Variants in FNBP1L observed in about 807,000 individuals in gnomAD.
FNBP1L encodes formin-binding protein 1-like.
In FNBP1L, 36 loss-of-function variants were observed where a neutral mutation model predicts 91.2. The observed-to-expected ratio is 0.39, with a 90% confidence interval of 0.30 to 0.52. The LOEUF (loss-of-function observed/expected upper bound fraction) is 0.52, where lower values mean the gene tolerates loss of function less well. FNBP1L is among the 20% of genes least tolerant of loss of function. The pLI is 0.66. For missense variants in FNBP1L, 571 were observed against 732.1 expected, an observed-to-expected ratio of 0.78 and a Z score of 2.54; for synonymous variants, 242 against 237.0, an observed-to-expected ratio of 1.02 and a Z score of -0.19.
At chr1:93,501,270 G>T (rs963665257) in intron 2 of FNBP1L, among the ~76,000 whole-genome samples, 1 of 152,132 alleles carries the variant, frequency 6.6e-6, no homozygotes, top group African/African-American at 2.4e-5. Context: ...GAAATTTACT[G>T]CAGGAGTGCC....
intron 2 of FNBP1L, 148 bp downstream of exon 2, chr1:93,499,731 T>C: frequency 1.7e-6 from 1 of 585,638 alleles, no homozygotes; most frequent in Non-Finnish European, 3.0e-6. Flanking sequence ...TAATGATTAA[T>C]TAAGTCATTG....
chr1:93,462,959 T>G (rs568965174), intron 1 of FNBP1L, among the ~76,000 whole-genome samples: 1 of 152,302 alleles, frequency 6.6e-6, no homozygotes, highest in East Asian at 1.9e-4. Flanking sequence ...CATAGGAGAT[T>G]TGTCTTTTCT....
chr1:93,503,616 G>A (rs1275565697), intron 2 of FNBP1L, among the ~76,000 whole-genome samples: 1 of 152,030 alleles, frequency 6.6e-6, no homozygotes, highest in South Asian at 2.1e-4. Flanking sequence ...TTGAGGATGG[G>A]AATAAATAGA....
At chr1:93,492,371 T>C (rs889084093) in intron 1 of FNBP1L, among the ~76,000 whole-genome samples, 39 of 152,282 alleles carry the variant, frequency 2.6e-4, no homozygotes, top group African/African-American at 9.1e-4. Flanking sequence ...GATAATGCAT[T>C]ATTTAAATGC....
At chr1:93,518,343 C>A (rs956031511) in intron 2 of FNBP1L, among the ~76,000 whole-genome samples, 1 of 152,150 alleles carries the variant, frequency 6.6e-6, no homozygotes, top group Non-Finnish European at 1.5e-5. Flanking sequence ...ACGGTAGCTT[C>A]CAGCAGCCTG....
chr1:93,458,126 T>C (rs970257974), intron 1 of FNBP1L, among the ~76,000 whole-genome samples: 73 of 144,864 alleles, frequency 5.0e-4, no homozygotes, highest in African/African-American at 2.1e-3. Context: ...TTTTAATTTT[T>C]GCTATTTTGA....
At chr1:93,450,385 T>C (rs1668453880) in intron 1 of FNBP1L, among the ~76,000 whole-genome samples, 1 of 152,194 alleles carries the variant, frequency 6.6e-6, no homozygotes, top group South Asian at 2.1e-4. Flanking sequence ...TTAATACATC[T>C]CCATATTTTA....
intron 1 of FNBP1L, among the ~76,000 whole-genome samples, chr1:93,494,574 A>G (rs1289387185): frequency 2.6e-5 from 4 of 152,158 alleles, no homozygotes; most frequent in African/African-American, 9.7e-5. Flanking sequence ...ATTAGCATAA[A>G]TTTAGGTATG....
rs1302601141 is a variant in FNBP1L at position 93,472,112 on chromosome 1, G to C, written c.24+23807G>C. On this transcript the variant is annotated intron_variant, in intron 1 of 16. Coordinates refer to ENST00000271234, the MANE Select transcript of FNBP1L (RefSeq NM_001164473.3). The stretch of plus-strand genomic sequence containing the variant: ...CTCTTGAATCAGATCTCTGGAATGA[G>C]GCCCAGAAATTTGTGTTTTTTGAAA... Among the ~76,000 whole-genome samples, 4 of 152,284 alleles carry C rather than the reference G, an allele frequency of 2.6e-5. No homozygotes were observed. The East Asian group carries it at 7.7e-4, about 29-fold the overall frequency.
intron 12 of FNBP1L, among the ~76,000 whole-genome samples, chr1:93,546,380 T>G (rs1266328677): frequency 6.6e-6 from 1 of 152,076 alleles, no homozygotes; most frequent in Non-Finnish European, 1.5e-5. Flanking sequence ...AATGACTGAC[T>G]TTGGGTGGGG....
chr1:93,533,091 T>C (rs954981830), intron 8 of FNBP1L, 23 bp downstream of exon 8: 14 of 1,604,232 alleles, frequency 8.7e-6, no homozygotes, highest in African/African-American at 1.3e-5. Flanking sequence ...TAATTATCTT[T>C]GAATGCATCT....
At chr1:93,488,064 C>A (rs1669967068) in intron 1 of FNBP1L, among the ~76,000 whole-genome samples, 1 of 152,118 alleles carries the variant, frequency 6.6e-6, no homozygotes, top group Non-Finnish European at 1.5e-5. Flanking sequence ...TCATGGGGCT[C>A]AAAATTGATG....
At chr1:93,534,660 T>A (rs1368943476) in intron 8 of FNBP1L, 45 bp from the exon 9 acceptor site, 1 of 1,333,342 alleles carries the variant, frequency 7.5e-7, no homozygotes, top group Admixed American at 2.3e-5. Flanking sequence ...GATGTAGAAT[T>A]ATGAGCAAGT....
intron 1 of FNBP1L, among the ~76,000 whole-genome samples, chr1:93,468,682 C>A (rs554388616): frequency 7.7e-4 from 117 of 152,148 alleles, no homozygotes; most frequent in Non-Finnish European, 1.3e-3. Flanking sequence ...CTGCCTGCCT[C>A]GGCCTCTCAA....
At chr1:93,530,972 A>G in intron 7 of FNBP1L, 89 bp downstream of exon 7, 1 of 1,040,424 alleles carries the variant, frequency 9.6e-7, no homozygotes, top group Non-Finnish European at 1.4e-6. Context: ...GAATCTTTCT[A>G]GATTCACTAG....
intron 1 of FNBP1L, 34 bp downstream of exon 1, chr1:93,448,339 C>T (rs954789794): frequency 1.3e-6 from 2 of 1,483,346 alleles, no homozygotes; most frequent in African/African-American, 1.5e-5. Context: ...CGCACGGACC[C>T]CGGCCCCTGA....
Position 93,534,874 on chromosome 1 carries a change from A to G in FNBP1L, c.956A>G (p.Lys319Arg). 1 of 1,576,990 alleles carries G rather than the reference A, an allele frequency of 6.3e-7. No individual in the cohort carries two copies. Residue 319 changes from lysine (K) to arginine (R), a missense_variant, in exon 9 of 17, where the codon AAG becomes AGG. Lys to Arg is a conservative substitution (Grantham distance 26). Around this residue, in one of 5 missense-constraint regions of FNBP1L, gnomAD observed 150 missense variants for 155.9 expected, o/e 0.96. Transcript: ENST00000271234. The stretch of plus-strand genomic sequence containing the variant: ...GCCAAAACCACAGTAGGAAAGGCCA[A>G]GGGCAAATTGTGGCTCTTTGGAAAG... ...MDAKTTVGKAKGKLWLFGKKP... is the reference protein window; with the variant it reads ...MDAKTTVGKARGKLWLFGKKP...
At chr1:93,461,910 AT>A (rs1668880705) in intron 1 of FNBP1L, among the ~76,000 whole-genome samples, 1 of 152,344 alleles carries the variant, frequency 6.6e-6, no homozygotes, top group South Asian at 2.1e-4. Flanking sequence ...GCCCACCATC[AT>A]TTTAAGAGGC....
intron 7 of FNBP1L, among the ~76,000 whole-genome samples, chr1:93,531,277 A>G (rs1457717497): frequency 2.6e-5 from 4 of 152,212 alleles, no homozygotes; most frequent in East Asian, 1.9e-4. Context: ...CTTACAAAAT[A>G]TATTTGCTAG....
Sources: allele counts gnomAD v4.1 joint callset (sites outside exome capture counted in the v4.1 genomes callset), GRCh38; gene constraint gnomAD v4.1.1; regional missense constraint gnomAD v4.1.1; transcripts MANE v1.5; gene names NCBI Gene and HGNC (gene_info 2026-07-23, HGNC 2026-07-21).